The following ELP4 variants were observed in gnomAD, a reference collection of about 807,000 sequenced individuals.
ELP4 encodes elongator acetyltransferase complex subunit 4, also known as elongator complex protein 4.
In ELP4, 51 loss-of-function variants were observed where a neutral mutation model predicts 48.9. The ratio of observed to expected loss-of-function variants is 1.04; its 90% CI spans 0.83 to 1.32. The LOEUF is 1.32. Ranked by LOEUF, ELP4 falls within the 40% of genes most tolerant of loss-of-function variation. The probability of loss-of-function intolerance (pLI) is 0.00; values close to 1 mark genes in which losing one functional copy is unlikely to be tolerated. For synonymous variants in ELP4, 210 were observed against 189.2 expected (o/e 1.11, Z -0.90); for missense variants, 519 against 514.6 (o/e 1.01, Z -0.08).
chr11:31,539,235 C>T (rs546259718), intron 2 of ELP4, among the ~76,000 whole-genome samples: 2 of 152,234 alleles, frequency 1.3e-5, no homozygotes, highest in South Asian at 2.1e-4. Flanking sequence ...GAGGCCAAGG[C>T]GGGCAGATCA....
At chr11:31,617,150 G>A (rs914976439) in intron 5 of ELP4, among the ~76,000 whole-genome samples, 2 of 152,186 alleles carry the variant, frequency 1.3e-5, no homozygotes, top group East Asian at 1.9e-4. Flanking sequence ...TTGGCAAGAG[G>A]TGATAGTAGT....
chr11:31,741,862 G>A (rs1947459571), intron 9 of ELP4, among the ~76,000 whole-genome samples: 1 of 152,224 alleles, frequency 6.6e-6, no homozygotes, highest in Admixed American at 6.5e-5. Flanking sequence ...AAGGAACGCA[G>A]CTCCTCACCA....
At chr11:31,552,867 A>C (rs1179962941) in intron 3 of ELP4, among the ~76,000 whole-genome samples, 1 of 152,078 alleles carries the variant, frequency 6.6e-6, no homozygotes, top group African/African-American at 2.4e-5. Context: ...CTCATTACTT[A>C]ATATCTCCCC....
At chr11:31,741,676 GCTGAGGGTC>G (rs1221970847) in intron 9 of ELP4, among the ~76,000 whole-genome samples, 1 of 152,186 alleles carries the variant, frequency 6.6e-6, no homozygotes, top group Non-Finnish European at 1.5e-5. Context: ...CAGACCTACA[GCTGAGGGTC>G]CTGTCTGTTA....
chr11:31,572,057 A>C (rs998719396), intron 3 of ELP4, among the ~76,000 whole-genome samples: 1 of 152,226 alleles, frequency 6.6e-6, no homozygotes, highest in African/African-American at 2.4e-5. Context: ...GGAGCTAGGC[A>C]TTGACTTCTC....
intron 6 of ELP4, chr11:31,628,393 A>C (rs1205005113): frequency 2.0e-5 from 3 of 151,716 alleles, no homozygotes. Flanking sequence ...TGAGAGTAAG[A>C]AATTTTATAG....
chr11:31,735,792 G>A lies in ELP4; in HGVS notation c.1144-47601G>A, dbSNP rs550746257. ...AGAGATATGAAGGACCTCTTCAAGG[G>A]GAACTACAAACCACTGCTCAATGAA... is the stretch of plus-strand genomic sequence containing the variant. On this transcript the variant is annotated intron_variant, in intron 9 of 9. Coordinates refer to ENST00000640961, the MANE Select transcript of ELP4 (RefSeq NM_019040.5). Among the ~76,000 whole-genome samples, 500 of 152,028 alleles carry A rather than the reference G, an allele frequency of 3.3e-3. 2 individuals carry two copies. The highest frequency in any genetic ancestry group is 0.011 in the African/African-American group (446 of 41,478).
chr11:31,693,767 C>T (rs1476354402), intron 9 of ELP4, among the ~76,000 whole-genome samples: 1 of 152,204 alleles, frequency 6.6e-6, no homozygotes, highest in Non-Finnish European at 1.5e-5. Flanking sequence ...AACTAGTTTA[C>T]AGTCCCACCA....
chr11:31,517,577 A>C (rs1412452840), intron 1 of ELP4, among the ~76,000 whole-genome samples: 1 of 152,186 alleles, frequency 6.6e-6, no homozygotes, highest in African/African-American at 2.4e-5. Flanking sequence ...TTTGTATACA[A>C]AAAACAAACA....
intron 9 of ELP4, chr11:31,727,839 T>C (rs1294887506): frequency 6.6e-6 from 1 of 152,214 alleles, no homozygotes; most frequent in Non-Finnish European, 1.5e-5. Flanking sequence ...TCAGCTTCTT[T>C]GTAGCACAAA....
intron 9 of ELP4, among the ~76,000 whole-genome samples, chr11:31,782,651 T>G (rs1948403826): frequency 6.6e-6 from 1 of 152,114 alleles, no homozygotes; most frequent in East Asian, 1.9e-4. Context: ...TCAGTTTAAA[T>G]CAGCCTGTAT....
At chr11:31,744,574 G>C (rs1270534000) in intron 9 of ELP4, among the ~76,000 whole-genome samples, 1 of 152,208 alleles carries the variant, frequency 6.6e-6, no homozygotes, top group Non-Finnish European at 1.5e-5. Flanking sequence ...GGGATGCAAG[G>C]CTGGTTCAAC....
At chr11:31,539,528 G>A (rs377350625) in intron 2 of ELP4, 134 bp from the exon 3 acceptor site, 14 of 738,606 alleles carry the variant, frequency 1.9e-5, no homozygotes, top group East Asian at 1.4e-4. Flanking sequence ...TCAGGAATAC[G>A]CAGTTTTTGT....
At chr11:31,731,429 G>T (rs923829972) in intron 9 of ELP4, among the ~76,000 whole-genome samples, 1 of 152,084 alleles carries the variant, frequency 6.6e-6, no homozygotes, top group African/African-American at 2.4e-5. Flanking sequence ...TCCCTAGAGG[G>T]TTCAACAGCA....
At chr11:31,769,480 A>G (rs1177595350) in intron 9 of ELP4, among the ~76,000 whole-genome samples, 12 of 152,246 alleles carry the variant, frequency 7.9e-5, no homozygotes, top group Admixed American at 7.8e-4. Context: ...GTAACTTAGC[A>G]ATCTGGTGAA....
At chr11:31,746,787 T>C (rs1426231870) in intron 9 of ELP4, among the ~76,000 whole-genome samples, 2 of 152,050 alleles carry the variant, frequency 1.3e-5, no homozygotes, top group Non-Finnish European at 2.9e-5. Flanking sequence ...TACCTAATGC[T>C]AAATGACGAG....
At chr11:31,558,923 T>C (rs1956972536) in intron 3 of ELP4, among the ~76,000 whole-genome samples, 1 of 152,200 alleles carries the variant, frequency 6.6e-6, no homozygotes, top group African/African-American at 2.4e-5. Flanking sequence ...AGTTCATTTT[T>C]CTTCTGAATA....
At chr11:31,634,047 A>G (rs74544718) in intron 7 of ELP4, 14 of 152,182 alleles carry the variant, frequency 9.2e-5, no homozygotes, top group African/African-American at 3.4e-4. Context: ...AAAGACAACT[A>G]TACTGAAGTT....
chr11:31,603,384 T>A (rs181500268), intron 4 of ELP4, among the ~76,000 whole-genome samples: 80 of 151,966 alleles, frequency 5.3e-4, no homozygotes, highest in African/African-American at 1.9e-3. Context: ...TTTCAGTTAG[T>A]TCTTGGCAAC....
Sources: allele counts gnomAD v4.1 joint callset (sites outside exome capture counted in the v4.1 genomes callset), GRCh38; gene constraint gnomAD v4.1.1; transcripts MANE v1.5; gene names NCBI Gene and HGNC (gene_info 2026-07-23, HGNC 2026-07-21).